CSMD1: variants seen among roughly 807,000 people sequenced by gnomAD.
CSMD1 encodes CUB and Sushi multiple domains 1, also known as CUB and sushi domain-containing protein 1.
CSMD1 carries 213 observed loss-of-function variants against 417.5 expected under a neutral mutation model. That is an observed-to-expected ratio of 0.51 (90% CI 0.46 to 0.57). The LOEUF is 0.57. Ranked by LOEUF, CSMD1 falls within the 20% of genes least tolerant of loss-of-function variation. CSMD1 has a pLI of 0.00. For synonymous variants in CSMD1, 2,862 were observed against 1,736.8 expected (o/e 1.65, Z -16.11); for missense variants, 6,923 against 4,529.7 (o/e 1.53, Z -15.17).
chr8:4,981,302 C>T (rs190819751), intron 1 of CSMD1, among the ~76,000 whole-genome samples: 51 of 152,310 alleles, frequency 3.3e-4, no homozygotes, highest in African/African-American at 1.1e-3. Context: ...GAGGGGGCTA[C>T]AGTGAAGAAG....
At chr8:3,395,293 A>G (rs1205611522) in intron 17 of CSMD1, among the ~76,000 whole-genome samples, 1 of 152,194 alleles carries the variant, frequency 6.6e-6, no homozygotes, top group Non-Finnish European at 1.5e-5. Flanking sequence ...TTCAGGTCCA[A>G]TAGTAATTGC....
At chr8:4,408,653 C>A (rs1393038956) in intron 3 of CSMD1, among the ~76,000 whole-genome samples, 2 of 152,036 alleles carry the variant, frequency 1.3e-5, no homozygotes, top group South Asian at 2.1e-4. Flanking sequence ...TCAAGTTGAT[C>A]AATTAAATCA....
intron 3 of CSMD1, among the ~76,000 whole-genome samples, chr8:4,293,161 A>T (rs564292867): frequency 1.3e-5 from 2 of 152,140 alleles, no homozygotes; most frequent in Non-Finnish European, 2.9e-5. Flanking sequence ...TTTGTCCAGT[A>T]TACTCTGAGG....
intron 1 of CSMD1, among the ~76,000 whole-genome samples, chr8:4,738,032 G>C (rs960869727): frequency 6.6e-6 from 1 of 152,186 alleles, no homozygotes; most frequent in East Asian, 1.9e-4. Flanking sequence ...GAATGAGAGA[G>C]AATAAGAAAA....
At chr8:4,191,711 C>T (rs561664970) in intron 3 of CSMD1, among the ~76,000 whole-genome samples, 2 of 147,032 alleles carry the variant, frequency 1.4e-5, no homozygotes, top group South Asian at 2.2e-4. Flanking sequence ...AATATATATA[C>T]TCTCCTTCCA....
chr8:4,825,045 AAGCTTCTCTGCAGTTTATTCTCTCC>A (rs552559881), intron 1 of CSMD1, among the ~76,000 whole-genome samples: 2 of 152,212 alleles, frequency 1.3e-5, no homozygotes, highest in South Asian at 2.1e-4. Flanking sequence ...TTTTGAAGTC[AAGCTTCTCTGCAGTTTATTCTCTCC>A]CATTTTAAAT....
At chr8:4,395,071 T>A (rs148572137) in intron 3 of CSMD1, among the ~76,000 whole-genome samples, 51 of 152,228 alleles carry the variant, frequency 3.4e-4, no homozygotes, top group African/African-American at 1.0e-3. Flanking sequence ...CTCCAGGGTG[T>A]CCTGGCACCT....
At chr8:4,449,930 C>G (rs1421900435) in intron 2 of CSMD1, among the ~76,000 whole-genome samples, 2 of 152,202 alleles carry the variant, frequency 1.3e-5, no homozygotes, top group Non-Finnish European at 2.9e-5. Flanking sequence ...GCCCAATACA[C>G]AGAAGATGCT....
At chr8:3,608,110 G>T (rs1288816093) in intron 8 of CSMD1, among the ~76,000 whole-genome samples, 1 of 150,334 alleles carries the variant, frequency 6.7e-6, no homozygotes, top group South Asian at 2.1e-4. Flanking sequence ...AGGTGGAGAG[G>T]TTGCAGTGAG....
intron 3 of CSMD1, among the ~76,000 whole-genome samples, chr8:4,391,331 C>T (rs1034383781): frequency 1.3e-5 from 2 of 152,190 alleles, no homozygotes; most frequent in African/African-American, 4.8e-5. Context: ...TCCTTCTCAT[C>T]CCTTGACTGA....
At chr8:3,801,953 T>C (rs1027778261) in intron 5 of CSMD1, among the ~76,000 whole-genome samples, 3 of 152,234 alleles carry the variant, frequency 2.0e-5, no homozygotes, top group South Asian at 2.1e-4. Context: ...AGAAAATGAC[T>C]GATAATAGGT....
intron 5 of CSMD1, among the ~76,000 whole-genome samples, chr8:3,798,155 G>A (rs1217425842): frequency 4.6e-5 from 7 of 151,920 alleles, no homozygotes; most frequent in Admixed American, 4.6e-4. Flanking sequence ...TGCATCATAT[G>A]TAGTCTTTTA....
chr8:3,641,116 G>C (rs557122304), intron 7 of CSMD1, among the ~76,000 whole-genome samples: 2 of 140,344 alleles, frequency 1.4e-5, no homozygotes, highest in South Asian at 2.3e-4. Context: ...TTAGACTGAA[G>C]TTATTGCAGA....
Position 4,976,900 on chromosome 8 carries a change from T to TA in CSMD1, c.85+17431dup, listed in dbSNP as rs80089665. Among the ~76,000 whole-genome samples the TA allele has an allele frequency of 3.2e-3, 489 of 151,544 alleles. 10 individuals are homozygous for TA. In the East Asian group the frequency reaches 0.06, roughly 19 times the overall value. On this transcript the variant is annotated intron_variant, in intron 1 of 69. Coordinates refer to ENST00000635120, the MANE Select transcript of CSMD1 (RefSeq NM_033225.6). The stretch of plus-strand genomic sequence containing the variant: ...GGACATTGCTGGTCAGCTATAAACA[T>TA]AAAAAAAAATCCTCCAGAGCATCAA...
intron 52 of CSMD1, among the ~76,000 whole-genome samples, chr8:3,005,548 G>A (rs902802224): frequency 1.3e-5 from 2 of 152,126 alleles, no homozygotes; most frequent in Non-Finnish European, 2.9e-5. Flanking sequence ...AATGAATCCA[G>A]CAACACATCA....
chr8:4,782,643 T>C (rs1208306416), intron 1 of CSMD1, among the ~76,000 whole-genome samples: 2 of 152,220 alleles, frequency 1.3e-5, no homozygotes, highest in African/African-American at 2.4e-5. Flanking sequence ...TTTTACTGTA[T>C]ATTTTTGTAC....
chr8:4,788,447 C>A (rs1797524036), intron 1 of CSMD1: 1 of 1,324,304 alleles, frequency 7.6e-7, no homozygotes. Flanking sequence ...CACACTTTCT[C>A]CAGAAGGATC....
At chr8:3,212,133 C>T (rs1010224133) in intron 30 of CSMD1, among the ~76,000 whole-genome samples, 6 of 152,218 alleles carry the variant, frequency 3.9e-5, no homozygotes, top group African/African-American at 1.4e-4. Flanking sequence ...CACTCTGGCT[C>T]ACTGCCTCCC....
chr8:3,637,725 G>A (rs1176884517), intron 7 of CSMD1, among the ~76,000 whole-genome samples: 1 of 152,142 alleles, frequency 6.6e-6, no homozygotes, highest in Admixed American at 6.5e-5. Flanking sequence ...TAGGGATATG[G>A]TTTGGCTGTG....
Sources: allele counts gnomAD v4.1 joint callset (sites outside exome capture counted in the v4.1 genomes callset), GRCh38; gene constraint gnomAD v4.1.1; transcripts MANE v1.5; gene names NCBI Gene and HGNC (gene_info 2026-07-23, HGNC 2026-07-21).